Variants in USP28 observed in about 807,000 individuals in gnomAD.
The protein encoded by USP28 is ubiquitin carboxyl-terminal hydrolase 28.
In USP28, 113 loss-of-function variants were observed where a neutral mutation model predicts 145.0. The ratio of observed to expected loss-of-function variants is 0.78; its 90% CI spans 0.67 to 0.91. The LOEUF (loss-of-function observed/expected upper bound fraction) is 0.91. USP28 is among the 40% of genes least tolerant of loss of function. The pLI is 0.00. For missense variants in USP28, 1,201 were observed against 1,289.6 expected (o/e 0.93, Z 1.05); for synonymous variants, 447 against 450.9 (o/e 0.99, Z 0.11).
At chr11:113,811,259 C>A (rs79186081) in intron 16 of USP28, among the ~76,000 whole-genome samples, 16,251 of 152,198 alleles carry the variant, frequency 0.11, 905 homozygotes, top group Middle Eastern at 0.17. Flanking sequence ...CTCCTTTTCA[C>A]AGCTGTAAGT....
At chr11:113,814,688 G>A (rs1941456650) in intron 14 of USP28, among the ~76,000 whole-genome samples, 1 of 152,102 alleles carries the variant, frequency 6.6e-6, no homozygotes, top group African/African-American at 2.4e-5. Context: ...TCTGTATAAT[G>A]GGGGTGTGTG....
chr11:113,839,981 T>A (rs545304216), intron 5 of USP28, among the ~76,000 whole-genome samples: 10 of 152,068 alleles, frequency 6.6e-5, no homozygotes, highest in Non-Finnish European at 1.5e-4. Context: ...GCACCACTGT[T>A]GCCTGGGCAA....
chr11:113,833,567 A>G lies in USP28; in HGVS notation c.622-10T>C. On this transcript the variant is annotated splice_polypyrimidine_tract_variant and intron_variant, in intron 6 of 24. Transcript: ENST00000003302. Reference sequence around the variant, plus strand: ...TGATATTTCTCTTTTCCTGTAGAAAACACAGTACATGTACTCTTACAATAT... The same window carrying G: ...TGATATTTCTCTTTTCCTGTAGAAAGCACAGTACATGTACTCTTACAATAT... 3 of 1,610,688 alleles carry G rather than the reference A, an allele frequency of 1.9e-6. No homozygotes were observed. Among genetic ancestry groups the G allele is most frequent in the Non-Finnish European group, 2.5e-6 (3 of 1,179,390 alleles).
intron 11 of USP28, among the ~76,000 whole-genome samples, chr11:113,825,590 C>T (rs538373833): frequency 1.6e-4 from 24 of 152,248 alleles, no homozygotes; most frequent in Admixed American, 3.9e-4. Context: ...AAACTAGATA[C>T]GTCACCAAAT....
At chr11:113,835,359 A>G in intron 5 of USP28, 2 of 455,840 alleles carry the variant, frequency 4.4e-6, no homozygotes, top group South Asian at 3.1e-5. Flanking sequence ...CTTTGGAATT[A>G]GAACTAAATA....
intron 3 of USP28, among the ~76,000 whole-genome samples, chr11:113,846,153 A>C (rs1184191344): frequency 6.6e-6 from 1 of 152,232 alleles, no homozygotes; most frequent in African/African-American, 2.4e-5. Flanking sequence ...TCAGAGATAA[A>C]GAGTAGAATG....
intron 2 of USP28, 47 bp from the exon 3 acceptor site, chr11:113,852,680 T>A: frequency 6.2e-7 from 1 of 1,605,548 alleles, no homozygotes; most frequent in Non-Finnish European, 8.5e-7. Context: ...ATCATAGAAT[T>A]TAAAACCAGT....
chr11:113,856,808 G>A (rs1440074033), intron 1 of USP28, among the ~76,000 whole-genome samples: 1 of 152,074 alleles, frequency 6.6e-6, no homozygotes, highest in African/African-American at 2.4e-5. Flanking sequence ...CGACTCCCGG[G>A]TTCAAGCGAT....
At chr11:113,803,712 G>T in intron 22 of USP28, 86 bp downstream of exon 23, 1 of 1,105,388 alleles carries the variant, frequency 9.0e-7, no homozygotes, top group Non-Finnish European at 1.4e-6. Flanking sequence ...GTTATGCATG[G>T]CTGTGACTCT....
chr11:113,833,500 C>A lies in USP28; in HGVS notation c.679G>T (p.Gly227Ter), dbSNP rs756278501. 6.2e-7 allele frequency: 1 copy of A among 1,614,104 alleles called. No individual in the cohort carries two copies. ...GGGTCTACAAATTTTCTATTTGATC[C>A]CATCATTAGAGCAAACAAATACTGA... The change falls in exon 7 of 25, where the codon GGA becomes TGA. Residue 227 changes from glycine (G) to a stop codon, truncating the protein, a stop_gained. Transcript: ENST00000003302. LOFTEE classifies it high-confidence loss of function.
chr11:113,798,445 G>A (rs766140958), exon 25 of USP28: 26 of 152,084 alleles, frequency 1.7e-4, no homozygotes, highest in Admixed American at 3.3e-4. Context: ...AGAGGAGGTG[G>A]ACCTAAATGG....
exon 25 of USP28, chr11:113,798,595 C>T (rs1157717685): frequency 7.7e-6 from 1 of 129,936 alleles, no homozygotes; most frequent in Non-Finnish European, 1.9e-5. Flanking sequence ...GTCCTTAATA[C>T]TTTACTTTCT....
At chr11:113,858,663 G>A (rs541729275) in intron 1 of USP28, among the ~76,000 whole-genome samples, 9 of 152,254 alleles carry the variant, frequency 5.9e-5, no homozygotes, top group East Asian at 3.9e-4. Flanking sequence ...AGGCTGGAGC[G>A]CAGCGGCGCA....
At chr11:113,842,012 T>C (rs573002773) in intron 3 of USP28, among the ~76,000 whole-genome samples, 1 of 152,328 alleles carries the variant, frequency 6.6e-6, no homozygotes, top group East Asian at 1.9e-4. Flanking sequence ...CTCTTCTGTA[T>C]TCTCACTCCA....
intron 5 of USP28, among the ~76,000 whole-genome samples, chr11:113,835,482 C>CT (rs763160822): frequency 9.2e-5 from 14 of 152,230 alleles, no homozygotes; most frequent in African/African-American, 2.2e-4. Context: ...TTCCCTCACT[C>CT]TAACACAAGC....
chr11:113,831,914 A>G lies in USP28; in HGVS notation c.833+6T>C. ...AAGGATGTACAAACAAACCCTCAAC[A>G]CTCACTTAACATTAACAGCTAGCTG... On this transcript the variant is annotated splice_donor_region_variant and intron_variant, in intron 8 of 24. Transcript: ENST00000003302. The G allele has an allele frequency of 1.2e-6, 2 of 1,611,586 alleles. No homozygotes were observed. The highest frequency in any genetic ancestry group is 1.7e-6 in the Non-Finnish European group (2 of 1,179,492).
At chr11:113,854,381 T>C (rs985718067) in intron 1 of USP28, 46 bp from the exon 2 acceptor site, 1 of 1,538,178 alleles carries the variant, frequency 6.5e-7, no homozygotes, top group South Asian at 1.1e-5. Context: ...AGTCAGAAAG[T>C]AAACCTGGGT....
At chr11:113,849,940 TACC>T (rs1305779397) in intron 3 of USP28, among the ~76,000 whole-genome samples, 1 of 152,116 alleles carries the variant, frequency 6.6e-6, no homozygotes, top group African/African-American at 2.4e-5. Flanking sequence ...GCTAAAGAAA[TACC>T]ACAATAGAAC....
chr11:113,800,894 T>C (rs1938889597), intron 24 of USP28, among the ~76,000 whole-genome samples: 1 of 151,278 alleles, frequency 6.6e-6, no homozygotes, highest in Non-Finnish European at 1.5e-5. Flanking sequence ...CCAGGCTGGA[T>C]TGCACTGGTG....
Sources: gnomAD v4.1 joint callset for allele counts (sites outside exome capture counted in the v4.1 genomes callset) on GRCh38, gnomAD v4.1.1 for gene constraint, MANE v1.5 for transcripts, NCBI Gene and HGNC (gene_info 2026-07-23, HGNC 2026-07-21) for gene names.